CREM: variants seen among roughly 807,000 people sequenced by gnomAD.
CREM encodes the protein cAMP-responsive element modulator.
In CREM, 13 loss-of-function variants were observed where a neutral mutation model predicts 37.3. That is an observed-to-expected ratio of 0.35 (90% CI 0.23 to 0.55). The LOEUF is 0.55. Among genes scored for constraint, CREM ranks in the 20% least tolerant of loss-of-function variants. The pLI is 0.88. For synonymous variants in CREM, 124 were observed against 120.2 expected (o/e 1.03, Z -0.21); for missense variants, 296 against 362.3 (o/e 0.82, Z 1.49).
intron 4 of CREM, 62 bp from the exon 5 acceptor site, chr10:35,179,072 C>T: frequency 1.3e-6 from 2 of 1,538,464 alleles, no homozygotes; most frequent in Admixed American, 1.9e-5. Flanking sequence ...TCCTTTATAG[C>T]TTTTCTGTTT....
chr10:35,203,623 C>T (rs1163063924), intron 6 of CREM, among the ~76,000 whole-genome samples: 2 of 151,986 alleles, frequency 1.3e-5, no homozygotes, highest in African/African-American at 2.4e-5. Flanking sequence ...ACCTGCGAGG[C>T]GGAGGTTGCA....
At chr10:35,186,729 TA>T (rs2094568789) in intron 5 of CREM, among the ~76,000 whole-genome samples, 1 of 135,058 alleles carries the variant, frequency 7.4e-6, no homozygotes, top group Non-Finnish European at 1.5e-5. Context: ...TAACTATATA[TA>T]ATTATATATA....
intron 3 of CREM, among the ~76,000 whole-genome samples, chr10:35,170,083 C>T (rs886935671): frequency 6.6e-6 from 1 of 151,902 alleles, no homozygotes; most frequent in African/African-American, 2.4e-5. Flanking sequence ...CTGCTTCAGC[C>T]TCCCTAGTAG....
chr10:35,129,181 T>A (rs2088808883), intron 1 of CREM, among the ~76,000 whole-genome samples: 1 of 152,248 alleles, frequency 6.6e-6, no homozygotes. Context: ...AAGTTGTAAT[T>A]ACGGTGATGT....
intron 3 of CREM, chr10:35,167,612 A>G: frequency 2.1e-6 from 2 of 975,166 alleles, no homozygotes; most frequent in Non-Finnish European, 3.2e-6. Flanking sequence ...TTTCCCAGTT[A>G]TAAGTGTCAC....
chr10:35,166,831 A>G (rs17499780), intron 3 of CREM, among the ~76,000 whole-genome samples: 20,658 of 152,150 alleles, frequency 0.14, 1,595 homozygotes, highest in South Asian at 0.2. Flanking sequence ...ACTCAGCACA[A>G]TCAAATATGA....
intron 3 of CREM, among the ~76,000 whole-genome samples, chr10:35,151,941 A>G (rs74135004): frequency 0.029 from 4,461 of 152,320 alleles, 204 homozygotes; most frequent in African/African-American, 0.1. Flanking sequence ...ATACAATAGT[A>G]TATGTCTTAC....
intron 3 of CREM, among the ~76,000 whole-genome samples, chr10:35,169,784 T>C (rs2132627207): frequency 6.6e-6 from 1 of 152,264 alleles, no homozygotes; most frequent in East Asian, 1.9e-4. Context: ...CCTAATTTAT[T>C]GAGAGTTTTT....
chr10:35,198,612 T>C (rs547562344), intron 6 of CREM, among the ~76,000 whole-genome samples: 90 of 152,322 alleles, frequency 5.9e-4, no homozygotes, highest in Middle Eastern at 3.4e-3. Context: ...AGAAATTGCC[T>C]TTGTTTTATT....
intron 1 of CREM, among the ~76,000 whole-genome samples, chr10:35,129,563 CAGAAGATTG>C (rs1564774231): frequency 1.3e-5 from 2 of 152,178 alleles, no homozygotes; most frequent in Non-Finnish European, 2.9e-5. Flanking sequence ...AGTATTGGGC[CAGAAGATTG>C]AGCTAGGTTT....
intron 5 of CREM, among the ~76,000 whole-genome samples, chr10:35,186,955 A>AT (rs1191271082): frequency 2.0e-5 from 2 of 98,378 alleles, no homozygotes; most frequent in African/African-American, 8.5e-5. Context: ...AATTATATAT[A>AT]TAAATATATA....
At chr10:35,184,116 C>T (rs147921721) in intron 5 of CREM, among the ~76,000 whole-genome samples, 130 of 152,054 alleles carry the variant, frequency 8.5e-4, no homozygotes, top group African/African-American at 2.9e-3. Flanking sequence ...TGTATAACAT[C>T]GCCAGGCTTG....
rs1201925009 is a variant in CREM, at chr10:35,211,415, C to T, written c.*17C>T. 1.9e-6 allele frequency: 3 copies of T among 1,609,570 alleles called. No homozygotes were observed. Among genetic ancestry groups the T allele is most frequent in the Non-Finnish European group, 2.5e-6 (3 of 1,178,058 alleles). On this transcript the variant is annotated 3_prime_UTR_variant, in exon 8 of 8. Coordinates refer to ENST00000685392, the MANE Select transcript of CREM (RefSeq NM_183011.2). ...GTAGAGTAACTGTCTTTGACTTGGA[C>T]CTTGTTTACTCTAATCAAGGCAGGA... is the stretch of plus-strand genomic sequence containing the variant.
At chr10:35,133,930 A>G (rs902886803) in intron 1 of CREM, among the ~76,000 whole-genome samples, 7 of 152,376 alleles carry the variant, frequency 4.6e-5, no homozygotes, top group Admixed American at 4.6e-4. Flanking sequence ...AGAGCTGGAA[A>G]TTGGTTAAGT....
chr10:35,207,197 C>A lies in CREM; in HGVS notation c.755+146C>A, dbSNP rs375054173. ...CACAGGGTCAGGAGATCAAGACCAT[C>A]CTGGCTAACACGGTGAAACCCCATC... On this transcript the variant is annotated intron_variant, in intron 7 of 7. Coordinates refer to ENST00000685392, the MANE Select transcript of CREM (RefSeq NM_183011.2). The A allele has an allele frequency of 2.6e-5, 20 of 775,686 alleles. No individual in the cohort carries two copies. The East Asian group carries it at 7.0e-4, about 27-fold the overall frequency. 48.1% of individuals were successfully genotyped at this position (775,686 alleles called of 1,614,324 possible). A position where few individuals can be genotyped will look rare whatever the true frequency, so the allele number is the denominator to read the frequency against.
At chr10:35,190,777 T>A (rs944001178) in intron 6 of CREM, among the ~76,000 whole-genome samples, 2 of 152,128 alleles carry the variant, frequency 1.3e-5, no homozygotes, top group African/African-American at 4.8e-5. Context: ...TTCTTCTGCC[T>A]CAGCCTCCCA....
chr10:35,195,168 G>A, intron 6 of CREM: 1 of 1,613,544 alleles, frequency 6.2e-7, no homozygotes, highest in Non-Finnish European at 8.5e-7. Flanking sequence ...AAACAAGACA[G>A]TTCTGTCTGC....
chr10:35,155,401 C>G (rs1168453372), intron 3 of CREM, among the ~76,000 whole-genome samples: 1 of 151,886 alleles, frequency 6.6e-6, no homozygotes, highest in Non-Finnish European at 1.5e-5. Flanking sequence ...TATGGAGTTT[C>G]AGATTTGCAA....
chr10:35,137,751 C>A, intron 1 of CREM, 31 bp from the exon 2 acceptor site: 2 of 987,734 alleles, frequency 2.0e-6, no homozygotes, highest in East Asian at 5.9e-5. Context: ...ATGTTACGAT[C>A]TCCCAATTCA....
Sources: gnomAD v4.1 joint callset for allele counts (sites outside exome capture counted in the v4.1 genomes callset) on GRCh38, gnomAD v4.1.1 for gene constraint, MANE v1.5 for transcripts, NCBI Gene and HGNC (gene_info 2026-07-23, HGNC 2026-07-21) for gene names.